Variants in SLC8A3 observed in about 807,000 individuals in gnomAD.
SLC8A3 encodes sodium/calcium exchanger 3.
Under a neutral mutation model 65.4 loss-of-function variants are expected in SLC8A3, and 37 were observed. The observed-to-expected ratio is 0.57, with a 90% CI of 0.44 to 0.74. The LOEUF (loss-of-function observed/expected upper bound fraction) is 0.74. Ranked by LOEUF, SLC8A3 falls within the 30% of genes least tolerant of loss-of-function variation. The pLI, the probability that SLC8A3 is intolerant of heterozygous loss-of-function variation, is 0.00. For synonymous variants in SLC8A3, 461 were observed against 444.5 expected, an observed-to-expected ratio of 1.04 and a Z score of -0.47; for missense variants, 1,112 against 1,172.1, an observed-to-expected ratio of 0.95 and a Z score of 0.75.
At chr14:70,151,091 A>G (rs1443496936) in intron 2 of SLC8A3, among the ~76,000 whole-genome samples, 1 of 151,870 alleles carries the variant, frequency 6.6e-6, no homozygotes, top group Non-Finnish European at 1.5e-5. Context: ...CACCTCTGCT[A>G]AAAGTACAAA....
chr14:70,070,400 A>G (rs1889899739), intron 2 of SLC8A3, among the ~76,000 whole-genome samples: 1 of 152,210 alleles, frequency 6.6e-6, no homozygotes, highest in Non-Finnish European at 1.5e-5. Flanking sequence ...CCACACATGA[A>G]GAACCAGAGG....
chr14:70,166,786 C>T lies in SLC8A3; in HGVS notation c.1637G>A (p.Gly546Asp), dbSNP rs767758968. Reference protein sequence around the residue: ...CDTIHVSESIGVMEVKVLRTS... With the variant: ...CDTIHVSESIDVMEVKVLRTS... The stretch of plus-strand genomic sequence containing the variant: ...CCGCAGAACCTTGACCTCCATAACA[C>T]CAATACTCTCACTGACATGAATAGT... The change falls in exon 2 of 7, where the codon GGT (glycine) becomes GAT (aspartate). Residue 546 changes from glycine (G) to aspartate (D), a missense_variant. Gly to Asp is a moderately conservative substitution (Grantham distance 94). Transcript: ENST00000356921. 20 of 1,613,936 alleles carry T rather than the reference C, an allele frequency of 1.2e-5. No individual in the cohort carries two copies. Among genetic ancestry groups the T allele is most frequent in the South Asian group, 4.4e-5 (4 of 91,090 alleles).
intron 2 of SLC8A3, among the ~76,000 whole-genome samples, chr14:70,151,855 T>C (rs542613320): frequency 6.6e-6 from 1 of 152,192 alleles, no homozygotes; most frequent in East Asian, 1.9e-4. Context: ...CCATTCTTTG[T>C]CTTTGTCATC....
intron 2 of SLC8A3, among the ~76,000 whole-genome samples, chr14:70,153,208 G>T (rs1244768745): frequency 9.9e-5 from 15 of 152,182 alleles, no homozygotes; most frequent in Admixed American, 9.8e-4. Context: ...AGCAGAAGAG[G>T]TTCCAGGAAT....
At chr14:70,159,748 A>AT (rs1279320985) in intron 2 of SLC8A3, among the ~76,000 whole-genome samples, 20 of 151,898 alleles carry the variant, frequency 1.3e-4, no homozygotes, top group African/African-American at 4.6e-4. Context: ...GTATCCCCTT[A>AT]TTATTGTTGC....
At chr14:70,141,267 C>T (rs1339755570) in intron 2 of SLC8A3, among the ~76,000 whole-genome samples, 1 of 152,154 alleles carries the variant, frequency 6.6e-6, no homozygotes, top group Non-Finnish European at 1.5e-5. Flanking sequence ...GAAATGTATT[C>T]AGCATGTATC....
intron 2 of SLC8A3, among the ~76,000 whole-genome samples, chr14:70,089,497 A>G: frequency 6.6e-6 from 1 of 152,186 alleles, no homozygotes; most frequent in East Asian, 1.9e-4. Flanking sequence ...ACTGGGTGAA[A>G]GAGGTGGGGA....
At chr14:70,155,223 ATATT>A (rs1896508199) in intron 2 of SLC8A3, among the ~76,000 whole-genome samples, 1 of 151,994 alleles carries the variant, frequency 6.6e-6, no homozygotes, top group African/African-American at 2.4e-5. Flanking sequence ...GCCCAGCTGA[ATATT>A]TATCATTTCT....
At chr14:70,183,058 G>A (rs542332685) in intron 1 of SLC8A3, among the ~76,000 whole-genome samples, 1 of 152,268 alleles carries the variant, frequency 6.6e-6, no homozygotes, top group East Asian at 1.9e-4. Flanking sequence ...GGACTTCGAG[G>A]TCCTCTCCTG....
At chr14:70,174,662 G>GTTTTTTT (rs10527244) in intron 1 of SLC8A3, among the ~76,000 whole-genome samples, 17 of 66,512 alleles carry the variant, frequency 2.6e-4, no homozygotes, top group African/African-American at 6.1e-4. Flanking sequence ...TTTTTTTTTT[G>GTTTTTTT]TTTTTTTTTT....
chr14:70,142,644 A>G lies in SLC8A3; in HGVS notation c.1784+23995T>C, dbSNP rs117560257. Among the ~76,000 whole-genome samples the G allele has an allele frequency of 6.5e-4, 99 of 152,334 alleles. No individual in the cohort carries two copies. The East Asian group carries it at 0.013, about 21-fold the overall frequency. On this transcript the variant is annotated intron_variant, in intron 2 of 6. Coordinates refer to ENST00000356921, the MANE Select transcript of SLC8A3 (RefSeq NM_182932.3). ...ACTTAAGTCCATGCATTACCTTTTGATGATTGCACTAGAAGAGAAATCTAT... is the reference window on the plus strand; with the variant it reads ...ACTTAAGTCCATGCATTACCTTTTGGTGATTGCACTAGAAGAGAAATCTAT...
chr14:70,151,925 A>C (rs1324361958), intron 2 of SLC8A3, among the ~76,000 whole-genome samples: 1 of 152,088 alleles, frequency 6.6e-6, no homozygotes, highest in African/African-American at 2.4e-5. Flanking sequence ...AATCTAGTAT[A>C]ACCTCATCAT....
chr14:70,175,958 C>T (rs561317511), intron 1 of SLC8A3, among the ~76,000 whole-genome samples: 51 of 152,264 alleles, frequency 3.3e-4, no homozygotes, highest in African/African-American at 1.2e-3. Flanking sequence ...TGGTCTCGAA[C>T]TCCTGACCTC....
Position 70,139,283 on chromosome 14 carries a change from G to A in SLC8A3, c.1784+27356C>T, listed in dbSNP as rs1403814329. Among the ~76,000 whole-genome samples the A allele has an allele frequency of 3.9e-5, 6 of 152,226 alleles. No homozygotes were observed. The South Asian group carries it at 6.2e-4, about 16-fold the overall frequency. On this transcript the variant is annotated intron_variant, in intron 2 of 6. Transcript: ENST00000356921. Reference sequence around the variant, plus strand: ...GGAGAGAAGTGCCCCCTCTTACCCCGGCAAAGCCAAGTGAAGGGGTGCCAG... The same window carrying A: ...GGAGAGAAGTGCCCCCTCTTACCCCAGCAAAGCCAAGTGAAGGGGTGCCAG...
intron 2 of SLC8A3, among the ~76,000 whole-genome samples, chr14:70,120,895 A>G (rs1366854755): frequency 6.6e-6 from 1 of 152,180 alleles, no homozygotes; most frequent in Non-Finnish European, 1.5e-5. Context: ...TCTAGAGAGG[A>G]GTCAGGCATG....
rs574532813 is a variant in SLC8A3, at chr14:70,129,064, G to T, written c.1784+37575C>A. The stretch of plus-strand genomic sequence containing the variant: ...CATATCTCTTATACTTTAGGCCAGG[G>T]AGACTTTGGGAAGGCACTTTTTCCT... On this transcript the variant is annotated intron_variant, in intron 2 of 6. Coordinates refer to ENST00000356921, the MANE Select transcript of SLC8A3 (RefSeq NM_182932.3). Among the ~76,000 whole-genome samples, 16 of 152,298 alleles carry T rather than the reference G, an allele frequency of 1.1e-4. No homozygotes were observed. In the South Asian group the frequency reaches 3.3e-3, roughly 32 times the overall value.
chr14:70,186,056 C>A (rs1883183768), intron 1 of SLC8A3, among the ~76,000 whole-genome samples: 1 of 152,142 alleles, frequency 6.6e-6, no homozygotes. Flanking sequence ...TTCCTATAAT[C>A]CCTACGTGTC....
At chr14:70,152,831 G>A (rs1023150905) in intron 2 of SLC8A3, among the ~76,000 whole-genome samples, 2 of 152,212 alleles carry the variant, frequency 1.3e-5, no homozygotes, top group African/African-American at 4.8e-5. Flanking sequence ...CAGCTGAGCA[G>A]GGCAACTCCC....
At chr14:70,075,329 T>A (rs1238107068) in intron 2 of SLC8A3, among the ~76,000 whole-genome samples, 2 of 152,184 alleles carry the variant, frequency 1.3e-5, no homozygotes, top group African/African-American at 4.8e-5. Context: ...AGGAACTATC[T>A]GCCCTTTGCA....
Sources: gnomAD v4.1 joint callset for allele counts (sites outside exome capture counted in the v4.1 genomes callset) on GRCh38, gnomAD v4.1.1 for gene constraint, MANE v1.5 for transcripts, NCBI Gene and HGNC (gene_info 2026-07-23, HGNC 2026-07-21) for gene names.